Variants in RPTOR observed in about 807,000 individuals in gnomAD.
The protein encoded by RPTOR is regulatory associated protein of MTOR complex 1.
In RPTOR, 21 loss-of-function variants were observed where a neutral mutation model predicts 169.9. That is an observed-to-expected ratio of 0.12 (90% CI 0.09 to 0.18). The LOEUF is 0.18. RPTOR is among the 10% of genes least tolerant of loss of function. The pLI, the probability that RPTOR is intolerant of heterozygous loss-of-function variation, is 1.00. For missense variants in RPTOR, 1,133 were observed against 1,855.9 expected, an observed-to-expected ratio of 0.61 and a Z score of 7.16; for synonymous variants, 732 against 753.2, an observed-to-expected ratio of 0.97 and a Z score of 0.46.
chr17:80,696,848 C>T (rs2066041429), intron 3 of RPTOR, among the ~76,000 whole-genome samples: 1 of 152,214 alleles, frequency 6.6e-6, no homozygotes, highest in South Asian at 2.1e-4. Context: ...AACACGGTGG[C>T]ACCCAGGCAA....
intron 4 of RPTOR, among the ~76,000 whole-genome samples, chr17:80,728,299 T>C (rs556772188): frequency 1.3e-4 from 20 of 152,334 alleles, no homozygotes; most frequent in African/African-American, 4.8e-4. Flanking sequence ...TATGTCTTTA[T>C]TAGAATTATA....
At chr17:80,593,239 A>G (rs1041332763) in intron 1 of RPTOR, 5 of 154,558 alleles carry the variant, frequency 3.2e-5, no homozygotes, top group African/African-American at 1.2e-4. Context: ...TGTAAATTAA[A>G]TTAGAATTTT....
intron 13 of RPTOR, among the ~76,000 whole-genome samples, chr17:80,859,482 G>A (rs2067893311): frequency 6.6e-6 from 1 of 152,248 alleles, no homozygotes; most frequent in Non-Finnish European, 1.5e-5. Context: ...GCACACGTGT[G>A]TGATACAGAG....
At chr17:80,854,785 T>G (rs1478613269) in intron 11 of RPTOR, among the ~76,000 whole-genome samples, 2 of 152,184 alleles carry the variant, frequency 1.3e-5, no homozygotes, top group Non-Finnish European at 2.9e-5. Context: ...TCCTAGCTAC[T>G]CAGGGTTTGA....
intron 1 of RPTOR, 49 bp downstream of exon 1, chr17:80,545,840 A>G: frequency 6.8e-7 from 1 of 1,474,966 alleles, no homozygotes; most frequent in African/African-American, 1.4e-5. Flanking sequence ...TTCCCCAACA[A>G]AGAAAGTTTA....
intron 20 of RPTOR, among the ~76,000 whole-genome samples, chr17:80,897,648 C>T (rs2068423584): frequency 6.6e-6 from 1 of 152,230 alleles, no homozygotes; most frequent in African/African-American, 2.4e-5. Flanking sequence ...TTTGGGCGCT[C>T]CCCATTGGCA....
At chr17:80,774,472 C>T in intron 6 of RPTOR, 1 of 609,214 alleles carries the variant, frequency 1.6e-6, no homozygotes, top group Non-Finnish European at 2.1e-6. Flanking sequence ...GATGAGGTAC[C>T]AGATGCTCCG....
At chr17:80,930,933 G>A (rs1053825732) in intron 24 of RPTOR, among the ~76,000 whole-genome samples, 5 of 152,376 alleles carry the variant, frequency 3.3e-5, no homozygotes, top group Admixed American at 6.5e-5. Flanking sequence ...GTGTTAAACA[G>A]TCAGGGGTCA....
chr17:80,805,737 A>G (rs1598318106), intron 7 of RPTOR: 1 of 152,136 alleles, frequency 6.6e-6, no homozygotes, highest in African/African-American at 2.4e-5. Context: ...ATGGGGAATT[A>G]CCCCTCGCCT....
At position 80,927,612 on chromosome 17, in the gene RPTOR, GTCTGTC is replaced by G. The variant is rs1168846668; in HGVS notation, c.2919+2134_2919+2139del. On this transcript the variant is annotated intron_variant, in intron 24 of 33. Coordinates refer to ENST00000306801, the MANE Select transcript of RPTOR (RefSeq NM_020761.3). ...CATGTGGAAGGCCGTGTGTGTGTCT[GTCTGTC>G]TGTCTGTCTGTCTGTCTCTATGTGT... Among the ~76,000 whole-genome samples the G allele has an allele frequency of 4.2e-3, 630 of 150,108 alleles. 7 individuals are homozygous for G. Among genetic ancestry groups the G allele is most frequent in the Non-Finnish European group, 6.3e-3 (427 of 67,634 alleles).
rs983728450 is a variant in RPTOR at position 80,726,445 on chromosome 17, G to T, written c.508-4115G>T. Among the ~76,000 whole-genome samples, 1 of 151,142 alleles carries T rather than the reference G, an allele frequency of 6.6e-6. No homozygotes were observed. The highest frequency in any genetic ancestry group is 1.9e-4 in the East Asian group (1 of 5,136). ...GCAGCAGTACCTCATGGTTATGACG[G>T]ATCATCTTCCTGAACTTTGCATCTC... On this transcript the variant is annotated intron_variant, in intron 4 of 33. Transcript: ENST00000306801. The surrounding 1 kb of genome is among the most constrained non-coding windows in gnomAD (Gnocchi z 4.5).
chr17:80,873,633 C>T (rs2143806701), intron 13 of RPTOR, among the ~76,000 whole-genome samples: 1 of 152,290 alleles, frequency 6.6e-6, no homozygotes, highest in East Asian at 1.9e-4. Context: ...GCCCAGCAGG[C>T]AGAGGGAGCT....
chr17:80,812,366 A>G (rs1368031363), intron 7 of RPTOR, among the ~76,000 whole-genome samples: 2 of 152,114 alleles, frequency 1.3e-5, no homozygotes, highest in Non-Finnish European at 2.9e-5. Context: ...GAATGCTACA[A>G]ATTGAAAACG....
In RPTOR at chr17:80,896,245, C is replaced by T. The variant is rs138629949; in HGVS notation, c.2401+2380C>T. On this transcript the variant is annotated intron_variant, in intron 20 of 33. Transcript: ENST00000306801. ...ACCCCAGACCCTTCATCAGACAGCC[C>T]GTCCTCCCGCCAGTGCTTCTCAGCG... Among the ~76,000 whole-genome samples, 763 of 152,064 alleles carry T rather than the reference C, an allele frequency of 5.0e-3. 6 individuals are homozygous for T. Among genetic ancestry groups the T allele is most frequent in the African/African-American group, 0.017 (723 of 41,440 alleles).
chr17:80,702,392 T>G (rs2066108618), intron 3 of RPTOR, among the ~76,000 whole-genome samples: 1 of 152,232 alleles, frequency 6.6e-6, no homozygotes. Flanking sequence ...TTTAGAGACT[T>G]GCTTTGTCAT....
At chr17:80,775,396 C>A (rs2066883736) in intron 6 of RPTOR, among the ~76,000 whole-genome samples, 2 of 152,180 alleles carry the variant, frequency 1.3e-5, no homozygotes, top group Admixed American at 1.3e-4. Context: ...CAGGTGTCAG[C>A]CCCATACCCA....
At chr17:80,819,966 C>G (rs1442765493) in intron 7 of RPTOR, among the ~76,000 whole-genome samples, 1 of 152,152 alleles carries the variant, frequency 6.6e-6, no homozygotes. Context: ...GGTGTTGGGC[C>G]CCACCCTGCC....
Position 80,634,314 on chromosome 17 carries a change from G to A in RPTOR, c.265+8521G>A, listed in dbSNP as rs111211114. The stretch of plus-strand genomic sequence containing the variant: ...CGTACTGTGTGTGTGCGTACTGTGC[G>A]TGTGCGTACTATGTGCGTGTGCGTA... On this transcript the variant is annotated intron_variant, in intron 2 of 33. Transcript: ENST00000306801. Among the ~76,000 whole-genome samples the A allele has an allele frequency of 5.1e-3, 679 of 133,768 alleles. 37 individuals are homozygous for A. The highest frequency in any genetic ancestry group is 0.018 in the African/African-American group (625 of 35,640). The allele number at this position is 133,768 out of a possible 152,430, so 87.8% of individuals were successfully genotyped here. A position where few individuals can be genotyped will look rare whatever the true frequency, so the allele number is the denominator to read the frequency against.
chr17:80,784,983 C>A (rs991240360), intron 6 of RPTOR, among the ~76,000 whole-genome samples: 6 of 152,192 alleles, frequency 3.9e-5, no homozygotes, highest in African/African-American at 1.4e-4. Flanking sequence ...GCCTTGGCCT[C>A]CCAAAGTGCT....
Sources: allele counts gnomAD v4.1 joint callset (sites outside exome capture counted in the v4.1 genomes callset), GRCh38; gene constraint gnomAD v4.1.1; non-coding constraint Gnocchi (gnomAD v3.1); transcripts MANE v1.5; gene names NCBI Gene and HGNC (gene_info 2026-07-23, HGNC 2026-07-21).